The following CPNE8 variants were observed in gnomAD, a reference collection of about 807,000 sequenced individuals.
The protein encoded by CPNE8 is copine-8.
CPNE8 carries 45 observed loss-of-function variants against 81.5 expected under a neutral mutation model. The ratio of observed to expected loss-of-function variants is 0.55; its 90% CI spans 0.44 to 0.71. CPNE8 has a LOEUF of 0.71. CPNE8 is among the 30% of genes least tolerant of loss of function. The pLI, the probability that CPNE8 is intolerant of heterozygous loss-of-function variation, is 0.00. For missense variants in CPNE8, 594 were observed against 672.1 expected, an observed-to-expected ratio of 0.88 and a Z score of 1.28; for synonymous variants, 252 against 226.3, an observed-to-expected ratio of 1.11 and a Z score of -1.02.
intron 3 of CPNE8, among the ~76,000 whole-genome samples, chr12:38,855,622 G>T (rs982874312): frequency 1.3e-5 from 2 of 152,056 alleles, no homozygotes; most frequent in Non-Finnish European, 2.9e-5. Flanking sequence ...CAAAATTTCA[G>T]TTAGACAGGA....
At chr12:38,726,430 C>A (rs1449159806) in intron 11 of CPNE8, 1 of 152,082 alleles carries the variant, frequency 6.6e-6, no homozygotes, top group African/African-American at 2.4e-5. Flanking sequence ...AAAACATGCA[C>A]CAGTAAGGAT....
intron 6 of CPNE8, among the ~76,000 whole-genome samples, chr12:38,789,237 C>T (rs1942269146): frequency 1.3e-5 from 2 of 152,042 alleles, no homozygotes; most frequent in South Asian, 2.1e-4. Context: ...TAGCATAGTA[C>T]TGGCATAAAA....
intron 6 of CPNE8, among the ~76,000 whole-genome samples, chr12:38,817,916 C>T (rs1266864559): frequency 1.3e-5 from 2 of 152,086 alleles, no homozygotes; most frequent in Non-Finnish European, 2.9e-5. Context: ...AGCCACTGCG[C>T]CTGGCCAATT....
rs765802810 is a variant in CPNE8 at position 38,730,374 on chromosome 12, AAAAG to A, written c.723-20_723-17del. 7.0e-7 allele frequency: 1 copy of A among 1,437,820 alleles called. No homozygotes were observed. The highest frequency in any genetic ancestry group is 1.4e-5 in the African/African-American group (1 of 71,024). 89.1% of individuals were successfully genotyped at this position (1,437,820 alleles called of 1,614,324 possible). A position where few individuals can be genotyped will look rare whatever the true frequency, so the allele number is the denominator to read the frequency against. On this transcript the variant is annotated splice_polypyrimidine_tract_variant and intron_variant, in intron 10 of 19. Coordinates refer to ENST00000331366, the MANE Select transcript of CPNE8 (RefSeq NM_153634.3). ...GAAATCATGACTAAAATTAAAGGAA[AAAAG>A]TACATAATATTGGCTTTCATATATT...
At chr12:38,806,081 T>C (rs1592107881) in intron 6 of CPNE8, among the ~76,000 whole-genome samples, 2 of 150,262 alleles carry the variant, frequency 1.3e-5, no homozygotes, top group East Asian at 2.2e-4. Context: ...AATAGACCAA[T>C]AACAGGCTCT....
intron 13 of CPNE8, among the ~76,000 whole-genome samples, chr12:38,715,687 T>C (rs1940369013): frequency 6.6e-6 from 1 of 152,056 alleles, no homozygotes; most frequent in Non-Finnish European, 1.5e-5. Flanking sequence ...GCCAAAAGCA[T>C]ACTGAATGGA....
chr12:38,728,405 G>T (rs1206907067), intron 11 of CPNE8, among the ~76,000 whole-genome samples: 1 of 152,050 alleles, frequency 6.6e-6, no homozygotes, highest in Non-Finnish European at 1.5e-5. Flanking sequence ...ATAAAAAGGA[G>T]CCAAACAAGA....
Position 38,748,000 on chromosome 12 carries a change from G to C in CPNE8, c.722+12847C>G, listed in dbSNP as rs370555636. ...AGCATTCCTAGAAAGCAATACTATT[G>C]TAATTATTTATTTATTTATTTTTTT... On this transcript the variant is annotated intron_variant, in intron 10 of 19. Coordinates refer to ENST00000331366, the MANE Select transcript of CPNE8 (RefSeq NM_153634.3). 7.9e-5 allele frequency among the ~76,000 whole-genome samples: 12 copies of C among 151,918 alleles called. No homozygotes were observed. In the East Asian group the frequency reaches 2.3e-3, roughly 29 times the overall value.
At chr12:38,833,933 A>G (rs1352216664) in intron 5 of CPNE8, among the ~76,000 whole-genome samples, 2 of 152,250 alleles carry the variant, frequency 1.3e-5, no homozygotes, top group South Asian at 2.1e-4. Context: ...CAGATAGGAG[A>G]AAAAGCAAGA....
chr12:38,697,796 G>T (rs1270219863), intron 14 of CPNE8, among the ~76,000 whole-genome samples: 1 of 151,972 alleles, frequency 6.6e-6, no homozygotes, highest in Non-Finnish European at 1.5e-5. Flanking sequence ...AAGGAGCATG[G>T]TACCTCCTCC....
At chr12:38,698,723 T>C (rs1480785680) in intron 14 of CPNE8, among the ~76,000 whole-genome samples, 1 of 152,192 alleles carries the variant, frequency 6.6e-6, no homozygotes, top group African/African-American at 2.4e-5. Context: ...GGGTTTACTT[T>C]TGCAAACTTG....
At chr12:38,760,986 AATGT>A (rs1328570218) in intron 9 of CPNE8, 98 bp from the exon 10 acceptor site, 9 of 882,438 alleles carry the variant, frequency 1.0e-5, no homozygotes, top group Non-Finnish European at 1.6e-5. Context: ...TAGATAAAAC[AATGT>A]ATGCTTGCAG....
chr12:38,780,404 G>C (rs1180532444), intron 6 of CPNE8, among the ~76,000 whole-genome samples: 1 of 152,050 alleles, frequency 6.6e-6, no homozygotes, highest in African/African-American at 2.4e-5. Context: ...GTAGAAGAAG[G>C]AATAAATAGA....
rs529806869 is a variant in CPNE8 at position 38,730,219 on chromosome 12, C to T, written c.798+64G>A. The stretch of plus-strand genomic sequence containing the variant: ...TGGCAATTATGCTTTGCAGAATCCA[C>T]ACTTTTAAAGCACAGATTTATTTAT... On this transcript the variant is annotated intron_variant, in intron 11 of 19. Coordinates refer to ENST00000331366, the MANE Select transcript of CPNE8 (RefSeq NM_153634.3). 2.0e-5 allele frequency: 20 copies of T among 1,001,336 alleles called. 1 individual carries two copies. The African/African-American group carries it at 2.6e-4, about 13-fold the overall frequency. 62.0% of individuals were successfully genotyped at this position (1,001,336 alleles called of 1,614,324 possible).
chr12:38,906,727 T>A, upstream of CPNE8: 3 of 491,278 alleles, frequency 6.1e-6, no homozygotes, highest in Non-Finnish European at 7.9e-6. Flanking sequence ...CAGGGACCTT[T>A]GTTCCCCGCG....
rs1405802731 is a variant in CPNE8 at position 38,902,276 on chromosome 12, A to AGG, written c.98+3160_98+3161insCC. 9.9e-4 allele frequency among the ~76,000 whole-genome samples: 129 copies of AGG among 130,748 alleles called. 26 individuals carry two copies. Among genetic ancestry groups the AGG allele is most frequent in the African/African-American group, 3.7e-3 (124 of 33,636 alleles). The allele number at this position is 130,748 out of a possible 152,430, so 85.8% of individuals were successfully genotyped here. A position where few individuals can be genotyped will look rare whatever the true frequency, so the allele number is the denominator to read the frequency against. On this transcript the variant is annotated intron_variant, in intron 1 of 19. Transcript: ENST00000331366. ...AAGAAAAAAGAAAGAAAGAAAAAGA[A>AGG]AAGAAAGAAGGAAGGAAGGAAAGGA... is the stretch of plus-strand genomic sequence containing the variant.
At chr12:38,772,089 C>A (rs1259852530) in intron 7 of CPNE8, among the ~76,000 whole-genome samples, 1 of 152,098 alleles carries the variant, frequency 6.6e-6, no homozygotes, top group Non-Finnish European at 1.5e-5. Flanking sequence ...TGAGTTCATT[C>A]TATTAAGAGT....
intron 18 of CPNE8, among the ~76,000 whole-genome samples, chr12:38,672,711 A>G (rs957352217): frequency 6.6e-6 from 1 of 152,210 alleles, no homozygotes; most frequent in Non-Finnish European, 1.5e-5. Context: ...TTTCTTTATA[A>G]TAAAGGTTCT....
At chr12:38,721,645 C>T (rs911596461) in intron 13 of CPNE8, among the ~76,000 whole-genome samples, 2 of 152,220 alleles carry the variant, frequency 1.3e-5, no homozygotes, top group Non-Finnish European at 2.9e-5. Context: ...GGGCTGAAAC[C>T]TGCCCATTGC....
Sources: gnomAD v4.1 joint callset for allele counts (sites outside exome capture counted in the v4.1 genomes callset) on GRCh38, gnomAD v4.1.1 for gene constraint, MANE v1.5 for transcripts, NCBI Gene and HGNC (gene_info 2026-07-23, HGNC 2026-07-21) for gene names.